TAFA1: variants seen among roughly 807,000 people sequenced by gnomAD.
The protein encoded by TAFA1 is TAFA chemokine like family member 1.
TAFA1 carries 4 observed loss-of-function variants against 18.5 expected under a neutral mutation model. The ratio of observed to expected loss-of-function variants is 0.22; its 90% confidence interval spans 0.11 to 0.49. The LOEUF (loss-of-function observed/expected upper bound fraction) is 0.49, where lower values mean the gene tolerates loss of function less well. TAFA1 is among the 20% of genes least tolerant of loss of function. TAFA1 has a pLI of 0.98. For missense variants in TAFA1, 147 were observed against 169.0 expected (o/e 0.87, Z 0.72); for synonymous variants, 56 against 55.2 (o/e 1.01, Z -0.06).
At chr3:68,062,151 G>A (rs1433031955) in intron 2 of TAFA1, among the ~76,000 whole-genome samples, 1 of 152,020 alleles carries the variant, frequency 6.6e-6, no homozygotes, top group Non-Finnish European at 1.5e-5. Context: ...TTTTTGTGTA[G>A]ACTAAGTAGT....
At chr3:68,159,848 A>G (rs2065904892) in intron 2 of TAFA1, among the ~76,000 whole-genome samples, 1 of 152,184 alleles carries the variant, frequency 6.6e-6, no homozygotes, top group Admixed American at 6.6e-5. Flanking sequence ...GCTCATTTCT[A>G]TCACTATATA....
chr3:68,242,113 A>G (rs2067007672), intron 2 of TAFA1, among the ~76,000 whole-genome samples: 1 of 152,160 alleles, frequency 6.6e-6, no homozygotes, highest in African/African-American at 2.4e-5. Context: ...CATATACTTT[A>G]CACAGCTTCA....
At chr3:68,324,317 A>G (rs1246713414) in intron 2 of TAFA1, among the ~76,000 whole-genome samples, 1 of 152,210 alleles carries the variant, frequency 6.6e-6, no homozygotes, top group Non-Finnish European at 1.5e-5. Flanking sequence ...ATGGCCATAG[A>G]TGTTAGATGC....
At chr3:68,390,801 G>A (rs369780218) in intron 2 of TAFA1, among the ~76,000 whole-genome samples, 28 of 152,136 alleles carry the variant, frequency 1.8e-4, no homozygotes, top group East Asian at 1.3e-3. Context: ...CAAACAGAAA[G>A]CAATACCATC....
chr3:68,335,338 A>G (rs755465578), intron 2 of TAFA1, among the ~76,000 whole-genome samples: 1 of 152,158 alleles, frequency 6.6e-6, no homozygotes, highest in Non-Finnish European at 1.5e-5. Flanking sequence ...TCTATTATTT[A>G]GTTATTTGGG....
At chr3:68,538,640 G>A in intron 3 of TAFA1, 116 bp from the exon 4 acceptor site, 1 of 954,550 alleles carries the variant, frequency 1.0e-6, no homozygotes, top group Non-Finnish European at 1.6e-6. Context: ...AGTCATGGAG[G>A]ATTAAAGAGA....
At chr3:68,274,985 GT>G (rs2067766195) in intron 2 of TAFA1, among the ~76,000 whole-genome samples, 1 of 152,004 alleles carries the variant, frequency 6.6e-6, no homozygotes, top group Admixed American at 6.6e-5. Context: ...GGACAGTGAA[GT>G]TCATATTTCT....
intron 3 of TAFA1, among the ~76,000 whole-genome samples, chr3:68,457,968 T>TG (rs1289895522): frequency 3.9e-5 from 6 of 152,160 alleles, no homozygotes; most frequent in African/African-American, 1.4e-4. Context: ...CTATCACTCA[T>TG]GGGTAAGCTC....
At chr3:68,276,212 G>A (rs1279889010) in intron 2 of TAFA1, among the ~76,000 whole-genome samples, 1 of 151,382 alleles carries the variant, frequency 6.6e-6, no homozygotes, top group Non-Finnish European at 1.5e-5. Flanking sequence ...AGTAGCTGCA[G>A]ACTAAATAAC....
chr3:68,030,329 T>A (rs538943011), intron 2 of TAFA1, among the ~76,000 whole-genome samples: 1 of 151,978 alleles, frequency 6.6e-6, no homozygotes, highest in East Asian at 1.9e-4. Context: ...GTTACATAAG[T>A]ATATATATAT....
intron 2 of TAFA1, among the ~76,000 whole-genome samples, chr3:68,123,645 A>T (rs1427117723): frequency 1.3e-5 from 2 of 152,116 alleles, no homozygotes; most frequent in Admixed American, 6.5e-5. Context: ...CTTCCCAGTT[A>T]ACACAGTGGC....
At chr3:68,065,986 G>T (rs1464422373) in intron 2 of TAFA1, among the ~76,000 whole-genome samples, 1 of 152,034 alleles carries the variant, frequency 6.6e-6, no homozygotes, top group Non-Finnish European at 1.5e-5. Context: ...AGACAAAAAT[G>T]TGTACATACT....
At chr3:68,140,837 T>A (rs2065660138) in intron 2 of TAFA1, among the ~76,000 whole-genome samples, 1 of 152,170 alleles carries the variant, frequency 6.6e-6, no homozygotes, top group Admixed American at 6.5e-5. Context: ...CCACTATACC[T>A]ACCTTCAAAA....
intron 2 of TAFA1, among the ~76,000 whole-genome samples, chr3:68,159,389 G>T (rs542893004): frequency 6.6e-6 from 1 of 152,074 alleles, no homozygotes; most frequent in African/African-American, 2.4e-5. Flanking sequence ...GGTATTAACG[G>T]GAGACTTTGA....
intron 2 of TAFA1, among the ~76,000 whole-genome samples, chr3:68,169,348 C>T (rs771051206): frequency 8.5e-5 from 13 of 152,220 alleles, no homozygotes; most frequent in Admixed American, 2.6e-4. Flanking sequence ...TGCCGAACTG[C>T]CAGCTCTGTG....
chr3:68,407,828 C>T (rs144548925), intron 2 of TAFA1, among the ~76,000 whole-genome samples: 22 of 152,122 alleles, frequency 1.4e-4, no homozygotes, highest in Non-Finnish European at 2.5e-4. Flanking sequence ...TTTACATACC[C>T]GAGGACGCTG....
chr3:68,253,657 G>A, intron 2 of TAFA1, among the ~76,000 whole-genome samples: 1 of 152,154 alleles, frequency 6.6e-6, no homozygotes, highest in East Asian at 1.9e-4. Context: ...CAACTTTCTG[G>A]CAGGTAGTTG....
At chr3:68,143,263 C>G (rs1372545708) in intron 2 of TAFA1, among the ~76,000 whole-genome samples, 1 of 152,140 alleles carries the variant, frequency 6.6e-6, no homozygotes, top group Non-Finnish European at 1.5e-5. Flanking sequence ...CCTCATGGCA[C>G]TTACTGTCTA....
At chr3:68,375,849 A>G (rs2069801410) in intron 2 of TAFA1, among the ~76,000 whole-genome samples, 1 of 152,190 alleles carries the variant, frequency 6.6e-6, no homozygotes, top group Non-Finnish European at 1.5e-5. Flanking sequence ...TCTAATATAC[A>G]ATGGAGGGGA....
Sources: gnomAD v4.1 joint callset for allele counts (sites outside exome capture counted in the v4.1 genomes callset) on GRCh38, gnomAD v4.1.1 for gene constraint, MANE v1.5 for transcripts, NCBI Gene and HGNC (gene_info 2026-07-23, HGNC 2026-07-21) for gene names.